Variants in PARVB observed in about 807,000 individuals in gnomAD.
The protein encoded by PARVB is beta-parvin.
In PARVB, 46 loss-of-function variants were observed where a neutral mutation model predicts 47.0. The observed-to-expected ratio is 0.98, with a 90% CI of 0.77 to 1.25. The LOEUF (loss-of-function observed/expected upper bound fraction) is 1.25, where lower values mean the gene tolerates loss of function less well. Ranked by LOEUF, PARVB falls within the 50% of genes most tolerant of loss-of-function variation. The probability of loss-of-function intolerance (pLI) is 0.00; values close to 1 mark genes in which losing one functional copy is unlikely to be tolerated. For synonymous variants in PARVB, 196 were observed against 196.3 expected, an observed-to-expected ratio of 1.00 and a Z score of 0.01; for missense variants, 473 against 471.6, an observed-to-expected ratio of 1.00 and a Z score of -0.03.
At chr22:44,147,721 A>G (rs763060039) in intron 8 of PARVB, 140 bp from the exon 9 acceptor site, 1 of 786,644 alleles carries the variant, frequency 1.3e-6, no homozygotes, top group South Asian at 1.4e-5. Flanking sequence ...TCATTCTGGT[A>G]GGAATTGGAA....
chr22:44,122,604 GA>G (rs2053094879), intron 4 of PARVB, among the ~76,000 whole-genome samples: 1 of 131,714 alleles, frequency 7.6e-6, no homozygotes, highest in Admixed American at 7.6e-5. Context: ...GAGAGAGAGA[GA>G]GAGAGGTCTC....
chr22:44,165,669 G>A (rs938207149), intron 12 of PARVB, among the ~76,000 whole-genome samples: 1 of 152,226 alleles, frequency 6.6e-6, no homozygotes, highest in Non-Finnish European at 1.5e-5. Context: ...TCATGGGGTC[G>A]CTGGATGGGG....
At position 44,136,495 on chromosome 22, in the gene PARVB, G is replaced by A. The variant is rs747721118; in HGVS notation, c.669G>A (p.Ser223=). The A allele has an allele frequency of 4.6e-5, 74 of 1,613,916 alleles. No homozygotes were observed. Among genetic ancestry groups the A allele is most frequent in the South Asian group, 1.1e-4 (10 of 91,070 alleles). Residue 223 remains serine, a synonymous_variant, in exon 7 of 13, where the codon TCG becomes TCA. Coordinates refer to ENST00000338758, the MANE Select transcript of PARVB (RefSeq NM_013327.5). ...REGLLHSSHI[S]EELTTTTEMM... is the part of the protein sequence containing the mutation. ...GCCTGCTGCATTCCAGCCACATCTC[G>A]GAGGAGCTGACCACAACTACAGAGT... is the stretch of plus-strand genomic sequence containing the variant.
In PARVB at chr22:44,039,497, C is replaced by T. The variant is rs546948841; in HGVS notation, c.112+15046C>T. Among the ~76,000 whole-genome samples, 9 of 151,372 alleles carry T rather than the reference C, an allele frequency of 5.9e-5. No individual in the cohort carries two copies. The South Asian group carries it at 6.3e-4, about 11-fold the overall frequency. On this transcript the variant is annotated intron_variant, in intron 1 of 12. Transcript: ENST00000338758. ...TGGAGGTTGCAGTGGCAGTCAATATCGTGCCACTGCACTCCAGCCTAAGCA... is the reference window on the plus strand; with the variant it reads ...TGGAGGTTGCAGTGGCAGTCAATATTGTGCCACTGCACTCCAGCCTAAGCA...
In PARVB at chr22:44,166,743, C is replaced by T. The variant is rs542949189; in HGVS notation, c.1019-1859C>T. Among the ~76,000 whole-genome samples the T allele has an allele frequency of 8.1e-4, 123 of 152,368 alleles. 1 individual carries two copies. Among genetic ancestry groups the T allele is most frequent in the Admixed American group, 3.7e-3 (56 of 15,312 alleles). On this transcript the variant is annotated intron_variant, in intron 12 of 12. Transcript: ENST00000338758. Reference sequence around the variant, plus strand: ...GGCCAGCACTGGGCAGGGGCCAAGCCGCAGAGATTTATGAGATGGGGTCCC... The same window carrying T: ...GGCCAGCACTGGGCAGGGGCCAAGCTGCAGAGATTTATGAGATGGGGTCCC...
In PARVB at chr22:44,168,749, T is replaced by G; in HGVS notation, c.*71T>G. On this transcript the variant is annotated 3_prime_UTR_variant, in exon 13 of 13. Coordinates refer to ENST00000338758, the MANE Select transcript of PARVB (RefSeq NM_013327.5). The stretch of plus-strand genomic sequence containing the variant: ...GGCATCCGTCTGTGCCCTGTGCCTT[T>G]CCAGGGAGCCAGGCGCCATGGGCTT... 9.1e-7 allele frequency: 1 copy of G among 1,101,702 alleles called. No homozygotes were observed. Among genetic ancestry groups the G allele is most frequent in the Non-Finnish European group, 1.4e-6 (1 of 716,580 alleles). The allele number at this position is 1,101,702 out of a possible 1,614,324, so 68.2% of individuals were successfully genotyped here. A position where few individuals can be genotyped will look rare whatever the true frequency, so the allele number is the denominator to read the frequency against.
chr22:44,091,274 CTTTT>C (rs3083368), intron 1 of PARVB, among the ~76,000 whole-genome samples: 8 of 90,744 alleles, frequency 8.8e-5, no homozygotes, highest in Admixed American at 1.3e-4. Flanking sequence ...AGAGGGCCTG[CTTTT>C]TTTTTTTTTT....
At chr22:44,069,134 A>G in intron 1 of PARVB, 1 of 1,612,488 alleles carries the variant, frequency 6.2e-7, no homozygotes, top group East Asian at 2.2e-5. Flanking sequence ...TGGTCTGCAG[A>G]GCTGCCGCCA....
At chr22:44,156,820 A>G (rs2053946052) in intron 10 of PARVB, among the ~76,000 whole-genome samples, 1 of 152,182 alleles carries the variant, frequency 6.6e-6, no homozygotes. Flanking sequence ...TACCCAGAGG[A>G]GTCAAATTCA....
In PARVB at chr22:44,066,814, CTCCTCCTCT is replaced by C. The variant is rs1228282815; in HGVS notation, c.113-27105_113-27097del. 1.1e-3 allele frequency among the ~76,000 whole-genome samples: 163 copies of C among 149,224 alleles called. 1 individual carries two copies. The highest frequency in any genetic ancestry group is 3.7e-3 in the African/African-American group (149 of 40,634). Reference sequence around the variant, plus strand: ...CCTCCTCCTCCTCCTCCTCCTCCTCCTCCTCCTCTTCCTCCTCCATCTCCTCCTCTCTTC... The same window carrying C: ...CCTCCTCCTCCTCCTCCTCCTCCTCCTCCTCCTCCATCTCCTCCTCTCTTC... On this transcript the variant is annotated intron_variant, in intron 1 of 12. Transcript: ENST00000338758.
At chr22:44,090,850 G>A (rs1417963762) in intron 1 of PARVB, among the ~76,000 whole-genome samples, 1 of 152,188 alleles carries the variant, frequency 6.6e-6, no homozygotes, top group Non-Finnish European at 1.5e-5. Flanking sequence ...CCGACCCCCT[G>A]TGCTCCAGGG....
intron 12 of PARVB, among the ~76,000 whole-genome samples, chr22:44,165,131 T>A (rs1478842314): frequency 6.6e-6 from 1 of 152,220 alleles, no homozygotes; most frequent in Non-Finnish European, 1.5e-5. Context: ...TAACTGGGAC[T>A]AAGGCGCATA....
rs138424185 is a variant in PARVB, at chr22:44,013,781, C to T, written c.211+14108C>T. Among the ~76,000 whole-genome samples the T allele has an allele frequency of 8.4e-3, 1,272 of 152,112 alleles. 18 individuals are homozygous for T. Among genetic ancestry groups the T allele is most frequent in the African/African-American group, 0.029 (1,197 of 41,498 alleles). The stretch of plus-strand genomic sequence containing the variant: ...CTGAGTAGCTGGGATTACAGGTGCC[C>T]GCCACCATGCTCAGCTAATTTTTGT... On this transcript the variant is annotated intron_variant, in intron 2 of 13. Coordinates refer to the PARVB transcript ENST00000406477.
chr22:44,095,157 C>T (rs957366399), intron 2 of PARVB, among the ~76,000 whole-genome samples: 5 of 152,000 alleles, frequency 3.3e-5, no homozygotes, highest in African/African-American at 4.8e-5. Context: ...AATTAGCTTG[C>T]CCTGGAGGTG....
intron 1 of PARVB, among the ~76,000 whole-genome samples, chr22:44,078,547 G>A (rs2051827916): frequency 6.6e-6 from 1 of 151,982 alleles, no homozygotes; most frequent in Admixed American, 6.6e-5. Flanking sequence ...ATCACATCGG[G>A]CCCCCTGAAT....
intron 1 of PARVB, among the ~76,000 whole-genome samples, chr22:44,033,622 C>T (rs1049515960): frequency 6.6e-6 from 1 of 152,190 alleles, no homozygotes; most frequent in Non-Finnish European, 1.5e-5. Flanking sequence ...GAACCTTTAC[C>T]TGCCAGCCAC....
intron 11 of PARVB, among the ~76,000 whole-genome samples, chr22:44,160,118 G>A (rs1176062050): frequency 6.6e-6 from 1 of 152,136 alleles, no homozygotes; most frequent in African/African-American, 2.4e-5. Context: ...TTTTTTTGTT[G>A]CAAAGCCACT....
intron 2 of PARVB, among the ~76,000 whole-genome samples, chr22:44,006,668 C>T (rs1163804691): frequency 6.6e-6 from 1 of 152,106 alleles, no homozygotes; most frequent in Non-Finnish European, 1.5e-5. Context: ...CAGGCCCTGC[C>T]CAGCCCACCC....
chr22:44,047,928 C>T (rs1048320249), intron 1 of PARVB, among the ~76,000 whole-genome samples: 1 of 152,178 alleles, frequency 6.6e-6, no homozygotes, highest in East Asian at 1.9e-4. Flanking sequence ...CCTCCGGCTC[C>T]CCTGAGTCAG....
Sources: gnomAD v4.1 joint callset for allele counts (sites outside exome capture counted in the v4.1 genomes callset) on GRCh38, gnomAD v4.1.1 for gene constraint, MANE v1.5 for transcripts, NCBI Gene and HGNC (gene_info 2026-07-23, HGNC 2026-07-21) for gene names.